The following ANO3 variants were observed in gnomAD, a reference collection of about 807,000 sequenced individuals.
The protein encoded by ANO3 is anoctamin 3, also known as anoctamin-3.
ANO3 carries 99 observed loss-of-function variants against 144.8 expected under a neutral mutation model. The ratio of observed to expected loss-of-function variants is 0.68; its 90% CI spans 0.58 to 0.81. The LOEUF (loss-of-function observed/expected upper bound fraction) is 0.81. Ranked by LOEUF, ANO3 falls within the 30% of genes least tolerant of loss-of-function variation. The probability of loss-of-function intolerance (pLI) is 0.00; values close to 1 mark genes in which losing one functional copy is unlikely to be tolerated. For missense variants in ANO3, 905 were observed against 1,202.2 expected, an observed-to-expected ratio of 0.75 and a Z score of 3.66; for synonymous variants, 414 against 392.6, an observed-to-expected ratio of 1.05 and a Z score of -0.64.
intron 18 of ANO3, among the ~76,000 whole-genome samples, chr11:26,625,163 G>T (rs574028437): frequency 6.6e-6 from 1 of 152,290 alleles, no homozygotes; most frequent in East Asian, 1.9e-4. Context: ...CTGACCTCGT[G>T]ATCTGCCCGC....
intron 1 of ANO3, among the ~76,000 whole-genome samples, chr11:26,429,462 C>CA (rs10668197): frequency 0.036 from 5,127 of 142,510 alleles, 126 homozygotes; most frequent in African/African-American, 0.054. Flanking sequence ...TCCAAAAGTT[C>CA]AAAAAAAAAA....
chr11:26,190,510 G>A (rs1330386922), intron 1 of ANO3, among the ~76,000 whole-genome samples: 1 of 152,030 alleles, frequency 6.6e-6, no homozygotes, highest in Non-Finnish European at 1.5e-5. Context: ...TTTTACAGAT[G>A]TACATAGCTT....
chr11:26,647,580 A>G, intron 23 of ANO3, 129 bp from the exon 24 acceptor site: 1 of 765,804 alleles, frequency 1.3e-6, no homozygotes, highest in African/African-American at 1.7e-5. Flanking sequence ...AGATAGTATA[A>G]TAAGAAAGCA....
At chr11:26,253,419 G>A (rs1388412790) in intron 1 of ANO3, among the ~76,000 whole-genome samples, 1 of 152,030 alleles carries the variant, frequency 6.6e-6, no homozygotes, top group East Asian at 1.9e-4. Context: ...GAGGGTGAGA[G>A]GAGGGAGAGG....
At chr11:26,566,598 A>G (rs1346272447) in intron 14 of ANO3, among the ~76,000 whole-genome samples, 1 of 151,854 alleles carries the variant, frequency 6.6e-6, no homozygotes, top group Non-Finnish European at 1.5e-5. Flanking sequence ...AGATTTAAGG[A>G]TATTCTTTAA....
intron 4 of ANO3, among the ~76,000 whole-genome samples, chr11:26,478,453 G>A (rs1180905224): frequency 6.6e-6 from 1 of 151,336 alleles, no homozygotes; most frequent in African/African-American, 2.4e-5. Flanking sequence ...CACTTCCTTT[G>A]TTGGCCCTCT....
chr11:26,580,432 T>A (rs1851099200), intron 14 of ANO3, among the ~76,000 whole-genome samples: 1 of 152,324 alleles, frequency 6.6e-6, no homozygotes, highest in East Asian at 1.9e-4. Flanking sequence ...GTGTCTTTCA[T>A]AGATTAGTTG....
intron 1 of ANO3, among the ~76,000 whole-genome samples, chr11:26,297,623 C>T (rs1854123607): frequency 6.6e-6 from 1 of 152,176 alleles, no homozygotes. Flanking sequence ...CCCCAAAATG[C>T]TCTTCCTACA....
rs539581013 is a variant in ANO3 at position 26,443,016 on chromosome 11, G to A, written c.242-749G>A. Among the ~76,000 whole-genome samples, 33 of 152,078 alleles carry A rather than the reference G, an allele frequency of 2.2e-4. No homozygotes were observed. In the South Asian group the frequency reaches 6.4e-3, roughly 30 times the overall value. ...CCTGACCTTGTGATCCACCTGCCTC[G>A]GCCTCCCAAAGTCCTGGGATTACAG... is the stretch of plus-strand genomic sequence containing the variant. On this transcript the variant is annotated intron_variant, in intron 2 of 26. Transcript: ENST00000256737.
intron 11 of ANO3, among the ~76,000 whole-genome samples, chr11:26,545,079 C>G (rs410178): frequency 0.98 from 148,929 of 152,126 alleles, 72,982 homozygotes; most frequent in East Asian, 1. Context: ...TTTCTACAAG[C>G]CCCATTTTTC....
intron 4 of ANO3, among the ~76,000 whole-genome samples, chr11:26,495,000 G>A (rs4244524): frequency 0.92 from 139,396 of 152,166 alleles, 64,138 homozygotes; most frequent in Non-Finnish European, 0.96. Flanking sequence ...CTATAAAAAT[G>A]GAAATAGCTG....
At chr11:26,420,336 C>T (rs1461361) in intron 1 of ANO3, among the ~76,000 whole-genome samples, 13,792 of 152,002 alleles carry the variant, frequency 0.091, 1,271 homozygotes, top group African/African-American at 0.24. Flanking sequence ...CTGAAAGTTT[C>T]TCTGAAGTTA....
At position 26,272,088 on chromosome 11, in the gene ANO3, C is replaced by T. The variant is rs555720426; in HGVS notation, c.155-37557C>T. Among the ~76,000 whole-genome samples, 604 of 152,100 alleles carry T rather than the reference C, an allele frequency of 4.0e-3. 1 individual carries two copies. Among genetic ancestry groups the T allele is most frequent in the African/African-American group, 0.013 (550 of 41,498 alleles). The stretch of plus-strand genomic sequence containing the variant: ...GTGATGCTAATCGTCTCCCGGTGAG[C>T]GGTTCCTCTCTCCAGTAAATGGTTT... On this transcript the variant is annotated intron_variant, in intron 1 of 27. Transcript: ENST00000672621.
intron 5 of ANO3, among the ~76,000 whole-genome samples, chr11:26,513,323 C>A (rs906607689): frequency 3.9e-5 from 6 of 152,120 alleles, no homozygotes; most frequent in African/African-American, 1.4e-4. Flanking sequence ...GAAGGATAGG[C>A]CACTGAGGAC....
At chr11:26,473,913 C>T (rs1859869343) in intron 4 of ANO3, 3 of 984,068 alleles carry the variant, frequency 3.0e-6, no homozygotes, top group Non-Finnish European at 3.6e-6. Context: ...AATGATTATT[C>T]AAACTCTGGC....
At chr11:26,629,446 T>C (rs990784993) in intron 18 of ANO3, among the ~76,000 whole-genome samples, 2 of 152,088 alleles carry the variant, frequency 1.3e-5, no homozygotes, top group Non-Finnish European at 2.9e-5. Context: ...TAAAAAATTC[T>C]TACGGCCAAG....
chr11:26,420,646 C>G (rs1021834436), intron 1 of ANO3, among the ~76,000 whole-genome samples: 5 of 152,030 alleles, frequency 3.3e-5, no homozygotes, highest in Admixed American at 1.3e-4. Context: ...ATTTCCTCTC[C>G]CTTAGCTATA....
intron 1 of ANO3, among the ~76,000 whole-genome samples, chr11:26,293,444 A>T (rs1854006620): frequency 6.7e-6 from 1 of 149,516 alleles, no homozygotes; most frequent in East Asian, 2.0e-4. Context: ...CCAGGTTTAC[A>T]TTACTGATAA....
At chr11:26,237,460 C>T (rs1194609820) in intron 1 of ANO3, among the ~76,000 whole-genome samples, 2 of 151,326 alleles carry the variant, frequency 1.3e-5, no homozygotes, top group Non-Finnish European at 3.0e-5. Context: ...AAATATATTT[C>T]CTATTGCAAC....
Sources: allele counts gnomAD v4.1 joint callset (sites outside exome capture counted in the v4.1 genomes callset), GRCh38; gene constraint gnomAD v4.1.1; transcripts MANE v1.5; gene names NCBI Gene and HGNC (gene_info 2026-07-23, HGNC 2026-07-21).